The following CACNA2D3 variants were observed in gnomAD, a reference collection of about 807,000 sequenced individuals.
The protein encoded by CACNA2D3 is voltage-dependent calcium channel subunit alpha-2/delta-3.
A neutral mutation model predicts 160.6 loss-of-function variants in CACNA2D3; 60 were observed. The ratio of observed to expected loss-of-function variants is 0.37; its 90% CI spans 0.30 to 0.46. The LOEUF is 0.46. CACNA2D3 is among the 20% of genes least tolerant of loss of function. CACNA2D3 has a pLI of 1.00. For missense variants in CACNA2D3, 1,205 were observed against 1,365.0 expected (o/e 0.88, Z 1.85); for synonymous variants, 558 against 492.9 (o/e 1.13, Z -1.75).
intron 2 of CACNA2D3, among the ~76,000 whole-genome samples, chr3:54,209,334 G>A (rs1018072521): frequency 2.6e-5 from 4 of 152,296 alleles, no homozygotes; most frequent in Middle Eastern, 3.4e-3. Context: ...TGTCCAGCCA[G>A]CCTCACCCTC....
intron 27 of CACNA2D3, among the ~76,000 whole-genome samples, chr3:54,936,163 CAAA>C (rs539489771): frequency 3.1e-5 from 4 of 127,920 alleles, no homozygotes; most frequent in African/African-American, 1.1e-4. Flanking sequence ...AGAATCATAG[CAAA>C]AAAAAAAAAA....
intron 2 of CACNA2D3, among the ~76,000 whole-genome samples, chr3:54,127,122 C>T (rs1192901133): frequency 1.3e-5 from 2 of 152,164 alleles, no homozygotes; most frequent in African/African-American, 4.8e-5. Flanking sequence ...CTATTTAGAC[C>T]TGCATTCGGG....
intron 14 of CACNA2D3, among the ~76,000 whole-genome samples, chr3:54,836,226 CT>C (rs71096454): frequency 1.0e-3 from 97 of 92,646 alleles, no homozygotes; most frequent in Middle Eastern, 6.4e-3. Flanking sequence ...TTTTTTTTTT[CT>C]TTTTTTTTTT....
intron 35 of CACNA2D3, among the ~76,000 whole-genome samples, chr3:55,067,014 C>A (rs1163050224): frequency 1.3e-5 from 2 of 152,014 alleles, no homozygotes; most frequent in African/African-American, 4.8e-5. Flanking sequence ...TTGCCCAGGC[C>A]CCTCCGAAGC....
intron 9 of CACNA2D3, among the ~76,000 whole-genome samples, chr3:54,591,700 G>C (rs560157301): frequency 3.1e-4 from 47 of 151,526 alleles, no homozygotes; most frequent in Non-Finnish European, 5.1e-4. Context: ...CTGAGTCCAG[G>C]GTTGGCAGTT....
intron 11 of CACNA2D3, among the ~76,000 whole-genome samples, chr3:54,680,983 T>G (rs1287340422): frequency 2.0e-5 from 3 of 152,130 alleles, no homozygotes; most frequent in Non-Finnish European, 4.4e-5. Flanking sequence ...GGAATGTTGA[T>G]TCTAAGTGTG....
In CACNA2D3 at chr3:54,806,714, A is replaced by G. The variant is rs541896916; in HGVS notation, c.1381-10139A>G. On this transcript the variant is annotated intron_variant, in intron 13 of 37. Transcript: ENST00000474759. The stretch of plus-strand genomic sequence containing the variant: ...ATTGGAAAAAACTACTTTAAAGTTC[A>G]TATGGAACCAAAAAAGAGCCCGCAT... 2.1e-4 allele frequency among the ~76,000 whole-genome samples: 32 copies of G among 152,282 alleles called. No individual in the cohort carries two copies. The East Asian group carries it at 5.8e-3, about 28-fold the overall frequency.
chr3:54,464,735 G>A lies in CACNA2D3; in HGVS notation c.382-38757G>A, dbSNP rs548264518. Among the ~76,000 whole-genome samples the A allele has an allele frequency of 4.6e-5, 7 of 152,334 alleles. No homozygotes were observed. In the South Asian group the frequency reaches 8.3e-4, roughly 18 times the overall value. ...TGACCCCTCGCGCTTCCTGAGTGAG[G>A]CAATGCCTCGCCGTGCTTCGGCTAG... On this transcript the variant is annotated intron_variant, in intron 4 of 37. Coordinates refer to ENST00000474759, the MANE Select transcript of CACNA2D3 (RefSeq NM_018398.3).
intron 11 of CACNA2D3, among the ~76,000 whole-genome samples, chr3:54,737,405 A>G (rs371203083): frequency 1.4e-4 from 21 of 152,248 alleles, no homozygotes; most frequent in African/African-American, 5.1e-4. Context: ...GGAAGGAGAT[A>G]GCTGTGTTAA....
chr3:54,539,423 G>A (rs1252467750), intron 5 of CACNA2D3, among the ~76,000 whole-genome samples: 1 of 152,184 alleles, frequency 6.6e-6, no homozygotes, highest in Non-Finnish European at 1.5e-5. Flanking sequence ...CCTTGCCCAG[G>A]ACCATCAGTA....
chr3:54,588,282 A>G (rs1014742756), intron 9 of CACNA2D3, among the ~76,000 whole-genome samples: 1 of 152,206 alleles, frequency 6.6e-6, no homozygotes, highest in African/African-American at 2.4e-5. Context: ...TAAAAATACA[A>G]AACTTCTCAG....
At chr3:54,869,900 G>A (rs1349168632) in intron 17 of CACNA2D3, among the ~76,000 whole-genome samples, 1 of 152,194 alleles carries the variant, frequency 6.6e-6, no homozygotes, top group East Asian at 1.9e-4. Context: ...TGGCTTCTGA[G>A]GGAACCACTT....
At chr3:54,334,782 G>C (rs1241036312) in intron 3 of CACNA2D3, among the ~76,000 whole-genome samples, 1 of 152,198 alleles carries the variant, frequency 6.6e-6, no homozygotes, top group African/African-American at 2.4e-5. Flanking sequence ...CGAACACTTT[G>C]TAAATGGTCA....
intron 29 of CACNA2D3, among the ~76,000 whole-genome samples, chr3:54,972,303 C>T (rs1300030894): frequency 1.3e-5 from 2 of 152,214 alleles, no homozygotes; most frequent in African/African-American, 2.4e-5. Flanking sequence ...TACTTTGAAG[C>T]TGTCATCCGT....
chr3:54,709,189 A>G (rs895787020), intron 11 of CACNA2D3, among the ~76,000 whole-genome samples: 2 of 149,050 alleles, frequency 1.3e-5, no homozygotes, highest in Non-Finnish European at 3.0e-5. Flanking sequence ...TTTTTTTTGT[A>G]TTTTTAGTAG....
intron 4 of CACNA2D3, among the ~76,000 whole-genome samples, chr3:54,443,545 C>G (rs538784149): frequency 3.3e-4 from 51 of 152,256 alleles, no homozygotes; most frequent in African/African-American, 1.1e-3. Context: ...GGGACAGGGC[C>G]TCCTGGATTG....
At chr3:54,996,059 A>G (rs960493536) in intron 31 of CACNA2D3, among the ~76,000 whole-genome samples, 24 of 152,236 alleles carry the variant, frequency 1.6e-4, no homozygotes, top group African/African-American at 5.5e-4. Context: ...ATGAATAATA[A>G]TCATAACAGC....
At chr3:54,459,804 T>C (rs1373245229) in intron 4 of CACNA2D3, among the ~76,000 whole-genome samples, 1 of 152,250 alleles carries the variant, frequency 6.6e-6, no homozygotes, top group Non-Finnish European at 1.5e-5. Context: ...ATTTTGGCTT[T>C]TGTTGCTATT....
chr3:54,545,349 G>A lies in CACNA2D3; in HGVS notation c.545-17451G>A, dbSNP rs114595096. Among the ~76,000 whole-genome samples the A allele has an allele frequency of 9.6e-3, 1,458 of 152,184 alleles. 28 individuals carry two copies. The highest frequency in any genetic ancestry group is 0.033 in the African/African-American group (1,374 of 41,534). On this transcript the variant is annotated intron_variant, in intron 5 of 37. Transcript: ENST00000474759. ...TGGAGCTTAACTTCCATTTCTGAAGGCCTGTCCTTGTCATATATCATTTTT... is the reference window on the plus strand; with the variant it reads ...TGGAGCTTAACTTCCATTTCTGAAGACCTGTCCTTGTCATATATCATTTTT...
Sources: allele counts gnomAD v4.1 joint callset (sites outside exome capture counted in the v4.1 genomes callset), GRCh38; gene constraint gnomAD v4.1.1; transcripts MANE v1.5; gene names NCBI Gene and HGNC (gene_info 2026-07-23, HGNC 2026-07-21).